RBPMS: variants seen among roughly 807,000 people sequenced by gnomAD.
RBPMS encodes RNA binding protein, mRNA processing factor.
In RBPMS, 7 loss-of-function variants were observed where a neutral mutation model predicts 26.8. The observed-to-expected ratio is 0.26, with a 90% CI of 0.15 to 0.49. RBPMS has a LOEUF of 0.49. Among genes scored for constraint, RBPMS ranks in the 20% least tolerant of loss-of-function variants. The pLI is 0.98. For synonymous variants in RBPMS, 96 were observed against 93.3 expected, an observed-to-expected ratio of 1.03 and a Z score of -0.17; for missense variants, 186 against 250.0, an observed-to-expected ratio of 0.74 and a Z score of 1.73.
At chr8:30,498,397 C>T (rs990602372) in intron 4 of RBPMS, among the ~76,000 whole-genome samples, 2 of 152,050 alleles carry the variant, frequency 1.3e-5, no homozygotes, top group African/African-American at 2.4e-5. Context: ...ATGAATGGGT[C>T]GATGAATCAG....
chr8:30,516,569 A>G (rs1822331109), intron 5 of RBPMS, among the ~76,000 whole-genome samples: 1 of 152,144 alleles, frequency 6.6e-6, no homozygotes, highest in Non-Finnish European at 1.5e-5. Flanking sequence ...ATCTTTCACA[A>G]ATGCCCAATT....
intron 5 of RBPMS, among the ~76,000 whole-genome samples, chr8:30,524,371 A>G (rs942036465): frequency 1.3e-5 from 2 of 152,178 alleles, no homozygotes; most frequent in African/African-American, 4.8e-5. Flanking sequence ...CACAGCCAAC[A>G]GCCATGTACC....
At chr8:30,549,028 G>A (rs1038458269) in intron 6 of RBPMS, among the ~76,000 whole-genome samples, 2 of 152,242 alleles carry the variant, frequency 1.3e-5, no homozygotes, top group Admixed American at 6.5e-5. Context: ...CAGCGAGACA[G>A]CTGTGGATCC....
intron 1 of RBPMS, among the ~76,000 whole-genome samples, chr8:30,424,955 T>G (rs1811190687): frequency 6.6e-6 from 1 of 152,172 alleles, no homozygotes; most frequent in African/African-American, 2.4e-5. Flanking sequence ...TTCCATGTAT[T>G]TATTTATTTA....
At chr8:30,443,877 G>A (rs1003129649) in intron 1 of RBPMS, among the ~76,000 whole-genome samples, 26 of 152,096 alleles carry the variant, frequency 1.7e-4, no homozygotes, top group Non-Finnish European at 2.4e-4. Flanking sequence ...TTACAGGTGT[G>A]AGCCACCGCG....
chr8:30,487,555 T>C (rs1189399540), intron 4 of RBPMS, among the ~76,000 whole-genome samples: 1 of 141,790 alleles, frequency 7.1e-6, no homozygotes, highest in Non-Finnish European at 1.6e-5. Flanking sequence ...TTGCTTTTTA[T>C]AGACATTTAA....
Position 30,478,010 on chromosome 8 carries a change from A to G in RBPMS, c.183+173A>G, listed in dbSNP as rs114883087. 1.5e-3 allele frequency among the ~76,000 whole-genome samples: 231 copies of G among 152,322 alleles called. 2 individuals are homozygous for G. Among genetic ancestry groups the G allele is most frequent in the African/African-American group, 5.2e-3 (215 of 41,560 alleles). ...CAGGAAAATACTTCATAATTCTATA[A>G]TCTTCAGCTGGAATTTCAGGGACTG... On this transcript the variant is annotated intron_variant, in intron 3 of 8. Transcript: ENST00000397323.
intron 5 of RBPMS, among the ~76,000 whole-genome samples, chr8:30,523,986 C>T (rs1223225124): frequency 6.6e-6 from 1 of 152,006 alleles, no homozygotes; most frequent in African/African-American, 2.4e-5. Flanking sequence ...TATGTTCCCT[C>T]TCATTCTCTC....
rs1810326674 is a variant in RBPMS at position 30,418,223 on chromosome 8, A to T, written c.66+33065A>T. 3.3e-5 allele frequency among the ~76,000 whole-genome samples: 5 copies of T among 152,148 alleles called. No individual in the cohort carries two copies. The South Asian group carries it at 1.0e-3, about 32-fold the overall frequency. Reference sequence around the variant, plus strand: ...CCATCTAGCTTGTCCATTTCTCAATACCCTTTCTAACATTTGAGATTGTGT... The same window carrying T: ...CCATCTAGCTTGTCCATTTCTCAATTCCCTTTCTAACATTTGAGATTGTGT... On this transcript the variant is annotated intron_variant, in intron 1 of 8. Transcript: ENST00000397323.
chr8:30,410,817 C>T (rs919251196), intron 1 of RBPMS, among the ~76,000 whole-genome samples: 1 of 150,970 alleles, frequency 6.6e-6, no homozygotes, highest in South Asian at 2.1e-4. Flanking sequence ...CTCACTGCAG[C>T]CTCTAAGTCC....
In RBPMS at chr8:30,554,952, G is replaced by A. The variant is rs1283488343; in HGVS notation, c.529-3935G>A. Reference sequence around the variant, plus strand: ...TACCCTGTGCCAGTCACTCACCACTGCAGAAGGGTTGGTACTTCAGGCAGG... The same window carrying A: ...TACCCTGTGCCAGTCACTCACCACTACAGAAGGGTTGGTACTTCAGGCAGG... On this transcript the variant is annotated intron_variant, in intron 6 of 8. Transcript: ENST00000397323. 1.1e-4 allele frequency among the ~76,000 whole-genome samples: 17 copies of A among 152,164 alleles called. 1 individual carries two copies. The highest frequency in any genetic ancestry group is 1.1e-3 in the Admixed American group (17 of 15,278).
chr8:30,440,995 G>A (rs1813007338), intron 1 of RBPMS, among the ~76,000 whole-genome samples: 1 of 144,840 alleles, frequency 6.9e-6, no homozygotes. Context: ...TTGTTTTTTT[G>A]TTTGGCTTTT....
chr8:30,504,181 T>C, intron 4 of RBPMS, 105 bp from the exon 5 acceptor site: 1 of 1,232,812 alleles, frequency 8.1e-7, no homozygotes, highest in Non-Finnish European at 1.2e-6. Flanking sequence ...GTTGCTGACC[T>C]TTTTTCCTGA....
chr8:30,477,895 C>T, intron 3 of RBPMS, 58 bp downstream of exon 3: 2 of 1,173,644 alleles, frequency 1.7e-6, no homozygotes, highest in East Asian at 2.3e-5. Flanking sequence ...AGGAATATTG[C>T]TGGGGCTTGA....
At chr8:30,393,837 A>G (rs1318885618) in intron 1 of RBPMS, among the ~76,000 whole-genome samples, 1 of 150,416 alleles carries the variant, frequency 6.6e-6, no homozygotes, top group South Asian at 2.1e-4. Context: ...ATTTTATTCA[A>G]TTTATACTTT....
chr8:30,566,180 G>A (rs1222903120), intron 7 of RBPMS, 77 bp from the exon 8 acceptor site: 2 of 810,948 alleles, frequency 2.5e-6, no homozygotes, highest in Non-Finnish European at 3.0e-6. Context: ...CCTCAGAACA[G>A]GCCGGTCTTC....
intron 5 of RBPMS, among the ~76,000 whole-genome samples, chr8:30,514,979 A>T (rs549298087): frequency 5.9e-5 from 9 of 152,252 alleles, no homozygotes; most frequent in Non-Finnish European, 8.8e-5. Flanking sequence ...ATGGATTTTT[A>T]AAAATCTTTT....
intron 1 of RBPMS, among the ~76,000 whole-genome samples, chr8:30,468,035 T>C (rs1012756848): frequency 6.6e-6 from 1 of 152,134 alleles, no homozygotes; most frequent in Non-Finnish European, 1.5e-5. Context: ...CCTAAGAGAA[T>C]TAAAGTGGGA....
intron 1 of RBPMS, among the ~76,000 whole-genome samples, chr8:30,457,366 G>T (rs1815336094): frequency 6.6e-6 from 1 of 152,124 alleles, no homozygotes; most frequent in Admixed American, 6.6e-5. Flanking sequence ...CCTGAAAGGT[G>T]GTGGTCATGG....
Sources: gnomAD v4.1 joint callset for allele counts (sites outside exome capture counted in the v4.1 genomes callset) on GRCh38, gnomAD v4.1.1 for gene constraint, MANE v1.5 for transcripts, NCBI Gene and HGNC (gene_info 2026-07-23, HGNC 2026-07-21) for gene names.